The following SCARF1 variants were observed in gnomAD, a reference collection of about 807,000 sequenced individuals.
The protein encoded by SCARF1 is acetyl LDL receptor.
SCARF1 carries 49 observed loss-of-function variants against 76.3 expected under a neutral mutation model. That is an observed-to-expected ratio of 0.64 (90% CI 0.51 to 0.81). The LOEUF is 0.81. Ranked by LOEUF, SCARF1 falls within the 40% of genes least tolerant of loss-of-function variation. The pLI is 0.00. For missense variants in SCARF1, 1,098 were observed against 1,143.9 expected (o/e 0.96, Z 0.58); for synonymous variants, 495 against 474.6 (o/e 1.04, Z -0.56).
Position 1,640,409 on chromosome 17 carries a change from G to A in SCARF1, c.1010+39C>T. On this transcript the variant is annotated intron_variant, in intron 5 of 10. Coordinates refer to ENST00000263071, the MANE Select transcript of SCARF1 (RefSeq NM_003693.4). This position sits in a 1 kb window ranked among gnomAD's most constrained non-coding sequence, Gnocchi z 4.7. ...GAGCCGCTGAGCTGAGGGTCCTGGG[G>A]GAAGGTGTACCCCACCCTGAACAGA... 6.6e-7 allele frequency: 1 copy of A among 1,512,652 alleles called. No homozygotes were observed. The highest frequency in any genetic ancestry group is 9.0e-7 in the Non-Finnish European group (1 of 1,115,900). 93.7% of individuals were successfully genotyped at this position (1,512,652 alleles called of 1,614,324 possible). A position where few individuals can be genotyped will look rare whatever the true frequency, so the allele number is the denominator to read the frequency against.
chr17:1,641,143 G>A (rs188227505), intron 4 of SCARF1, among the ~76,000 whole-genome samples: 31 of 152,346 alleles, frequency 2.0e-4, no homozygotes, highest in African/African-American at 6.7e-4. Context: ...CCTGGGCCAT[G>A]GACTGGTACT....
At position 1,640,985 on chromosome 17, in the gene SCARF1, C is replaced by T. The variant is rs116979441; in HGVS notation, c.792-319G>A. ...CTCTGAGTCCCATTTGCGAGGTCTG[C>T]CAGGCCTTCCCTCCTGCTCTTTTCA... On this transcript the variant is annotated intron_variant, in intron 4 of 10. Transcript: ENST00000263071. This position sits in a 1 kb window ranked among gnomAD's most constrained non-coding sequence, Gnocchi z 4.7. Among the ~76,000 whole-genome samples, 190 of 152,330 alleles carry T rather than the reference C, an allele frequency of 1.2e-3. No individual in the cohort carries two copies. The highest frequency in any genetic ancestry group is 1.7e-3 in the Non-Finnish European group (117 of 68,040).
Position 1,640,782 on chromosome 17 carries a change from AC to A in SCARF1, c.792-117del, listed in dbSNP as rs1158988611. 1.1e-6 allele frequency: 1 copy of A among 945,282 alleles called. No individual in the cohort carries two copies. Among genetic ancestry groups the A allele is most frequent in the African/African-American group, 1.6e-5 (1 of 61,134 alleles). The allele number at this position is 945,282 out of a possible 1,614,324, so 58.6% of individuals were successfully genotyped here. On this transcript the variant is annotated intron_variant, in intron 4 of 10. Transcript: ENST00000263071. This position sits in a 1 kb window ranked among gnomAD's most constrained non-coding sequence, Gnocchi z 4.7. ...GGGCCCTGGAGAGTGTTCGGGTCCC[AC>A]CTGGGTCAGGCAGGTTTGAGCCTCA...
Position 1,644,715 on chromosome 17 carries a change from TGG to T in SCARF1, c.265+117_265+118del. 2.2e-6 allele frequency: 2 copies of T among 926,428 alleles called. No homozygotes were observed. The highest frequency in any genetic ancestry group is 3.3e-6 in the Non-Finnish European group (2 of 601,226). 57.4% of individuals were successfully genotyped at this position (926,428 alleles called of 1,614,324 possible). A position where few individuals can be genotyped will look rare whatever the true frequency, so the allele number is the denominator to read the frequency against. ...CTGGACCGCAATTCCTCAGTGAAGC[TGG>T]GGGGGATTCTGGCCCTGCTGTCCTG... is the stretch of plus-strand genomic sequence containing the variant. On this transcript the variant is annotated intron_variant, in intron 3 of 10. Transcript: ENST00000263071. This position sits in a 1 kb window ranked among gnomAD's most constrained non-coding sequence, Gnocchi z 4.8.
At position 1,645,053 on chromosome 17, in the gene SCARF1, G is replaced by C. The variant is rs1037157785; in HGVS notation, c.164-118C>G. On this transcript the variant is annotated intron_variant, in intron 2 of 10. Transcript: ENST00000263071. The surrounding 1 kb of genome is among the most constrained non-coding windows in gnomAD (Gnocchi z 6.3). ...GAGGTGCCCCTTCAGGCCTGGGGGTGCGTCACAGGAGAAACCCTGACTCCT... is the reference window on the plus strand; with the variant it reads ...GAGGTGCCCCTTCAGGCCTGGGGGTCCGTCACAGGAGAAACCCTGACTCCT... 6.6e-7 allele frequency: 1 copy of C among 1,520,590 alleles called. No homozygotes were observed. The highest frequency in any genetic ancestry group is 1.4e-5 in the African/African-American group (1 of 73,000). 94.2% of individuals were successfully genotyped at this position (1,520,590 alleles called of 1,614,324 possible).
intron 4 of SCARF1, 38 bp downstream of exon 4, chr17:1,643,404 G>GCCC (rs1910246530): frequency 6.7e-6 from 2 of 299,858 alleles, no homozygotes; most frequent in Non-Finnish European, 8.3e-6. Flanking sequence ...GTCCGCCCCC[G>GCCC]CCCCGCCAGC....
rs1487765863 is a variant in SCARF1 at position 1,640,082 on chromosome 17, G to T, written c.1011-42C>A. ...CTCGGGGAAGGGGAGACCAAGGCAG[G>T]CCTGGCCCCCACTGTGGGGCCCCAC... On this transcript the variant is annotated intron_variant, in intron 5 of 10. Transcript: ENST00000263071. This position sits in a 1 kb window ranked among gnomAD's most constrained non-coding sequence, Gnocchi z 4.7. The T allele has an allele frequency of 1.9e-6, 3 of 1,603,108 alleles. No individual in the cohort carries two copies. The highest frequency in any genetic ancestry group is 8.5e-7 in the Non-Finnish European group (1 of 1,175,054).
At position 1,643,527 on chromosome 17, in the gene SCARF1, C is replaced by T; in HGVS notation, c.706G>A (p.Glu236Lys). 7.1e-7 allele frequency: 1 copy of T among 1,401,116 alleles called. No individual in the cohort carries two copies. The highest frequency in any genetic ancestry group is 9.3e-7 in the Non-Finnish European group (1 of 1,080,476). 86.8% of individuals were successfully genotyped at this position (1,401,116 alleles called of 1,614,324 possible). Residue 236 changes from glutamate to lysine, a missense_variant, in exon 4 of 11, where the codon GAG becomes AAG. Transcript: ENST00000263071. ...CGGAAGCCGGGCGGGCAGGTGCACT[C>T]GCCGGAGGCGGCGCTGCAGCGGCCC... The part of the protein sequence containing the change: ...VRGRCSAASG[E>K]CTCPPGFRGA...
At position 1,638,803 on chromosome 17, in the gene SCARF1, C is replaced by T. The variant is rs375974900; in HGVS notation, c.1364+3G>A. 1.1e-4 allele frequency: 175 copies of T among 1,603,662 alleles called. No individual in the cohort carries two copies. The highest frequency in any genetic ancestry group is 1.4e-4 in the Non-Finnish European group (165 of 1,174,148). ...TGTGGGGAAGGGACGGGCTGGCGTT[C>T]ACCTGTCCTTGAGGTCTGATCGGGG... On this transcript the variant is annotated splice_donor_region_variant and intron_variant, in intron 8 of 10. Transcript: ENST00000263071.
rs774458975 is a variant in SCARF1 at position 1,644,929 on chromosome 17, C to G, written c.170G>C (p.Cys57Ser). ...QKDQECTIPI[C>S]EGPDACQKDE... is the part of the protein sequence containing the mutation. Reference sequence around the variant, plus strand: ...TTTCTGGCAGGCGTCCGGCCCCTCACAGATGGCTGAAAGACACCCCACCCA... The same window carrying G: ...TTTCTGGCAGGCGTCCGGCCCCTCAGAGATGGCTGAAAGACACCCCACCCA... The change falls in exon 3 of 11, where the codon TGT becomes TCT. Residue 57 changes from cysteine to serine, a missense_variant. Physicochemically the swap from Cys to Ser is moderately radical, Grantham distance 112. Transcript: ENST00000263071. The surrounding 1 kb of genome is among the most constrained non-coding windows in gnomAD (Gnocchi z 4.8). 13 of 1,612,860 alleles carry G rather than the reference C, an allele frequency of 8.1e-6. No individual in the cohort carries two copies. Among genetic ancestry groups the G allele is most frequent in the Non-Finnish European group, 1.0e-5 (12 of 1,179,796 alleles).
chr17:1,643,241 C>CGCCCACCGGTGTCCGCCG, intron 4 of SCARF1: 1 of 68,022 alleles, frequency 1.5e-5, no homozygotes, highest in South Asian at 5.7e-4. Context: ...CGCCCCCTCC[C>CGCCCACCGGTGTCCGCCG]CGCCCACCGG....
Position 1,640,385 on chromosome 17 carries a change from A to C in SCARF1, c.1010+63T>G. On this transcript the variant is annotated intron_variant, in intron 5 of 10. Coordinates refer to ENST00000263071, the MANE Select transcript of SCARF1 (RefSeq NM_003693.4). The surrounding 1 kb of genome is among the most constrained non-coding windows in gnomAD (Gnocchi z 4.7). ...CGGGGAGGGTGGTGCTCTCGGAGAGAGCCGCTGAGCTGAGGGTCCTGGGGG... is the reference window on the plus strand; with the variant it reads ...CGGGGAGGGTGGTGCTCTCGGAGAGCGCCGCTGAGCTGAGGGTCCTGGGGG... The C allele has an allele frequency of 7.1e-7, 1 of 1,414,956 alleles. No homozygotes were observed. Among genetic ancestry groups the C allele is most frequent in the Non-Finnish European group, 9.7e-7 (1 of 1,034,602 alleles). The allele number at this position is 1,414,956 out of a possible 1,614,324, so 87.7% of individuals were successfully genotyped here. A position where few individuals can be genotyped will look rare whatever the true frequency, so the allele number is the denominator to read the frequency against.
intron 10 of SCARF1, among the ~76,000 whole-genome samples, chr17:1,635,964 G>C (rs1909524743): frequency 6.6e-6 from 1 of 151,946 alleles, no homozygotes; most frequent in Non-Finnish European, 1.5e-5. Context: ...TTGAAATACT[G>C]TCACACTCTT....
At position 1,645,260 on chromosome 17, in the gene SCARF1, A is replaced by G; in HGVS notation, c.102-21T>C. The G allele has an allele frequency of 6.2e-7, 1 of 1,612,122 alleles. No individual in the cohort carries two copies. The highest frequency in any genetic ancestry group is 1.1e-5 in the South Asian group (1 of 91,004). On this transcript the variant is annotated intron_variant, in intron 1 of 10. Coordinates refer to ENST00000263071, the MANE Select transcript of SCARF1 (RefSeq NM_003693.4). The surrounding 1 kb of genome is among the most constrained non-coding windows in gnomAD (Gnocchi z 6.3). ...AGGGGCTGTGGGGCAAAAAGGGGTC[A>G]GCCGGACATGGTGGGGGGTGCAGCC...
chr17:1,643,924 G>T lies in SCARF1; in HGVS notation c.309C>A (p.Cys103Ter), dbSNP rs1042065800. Residue 103 changes from cysteine to a stop codon, truncating the protein, a stop_gained, in exon 4 of 11, where the codon TGC becomes TGA. Coordinates refer to ENST00000263071, the MANE Select transcript of SCARF1 (RefSeq NM_003693.4). LOFTEE classifies it high-confidence loss of function. ...QYWGPDCRES[C>*]PCHPHGQCEP... The stretch of plus-strand genomic sequence containing the variant: ...CGCACTGGCCGTGCGGGTGGCAGGG[G>T]CAGCTCTCACGGCAGTCGGGGCCCC... 6.7e-6 allele frequency: 9 copies of T among 1,352,902 alleles called. No individual in the cohort carries two copies. Among genetic ancestry groups the T allele is most frequent in the South Asian group, 1.8e-5 (1 of 55,536 alleles). The allele number at this position is 1,352,902 out of a possible 1,614,324, so 83.8% of individuals were successfully genotyped here.
chr17:1,635,070 G>C lies in SCARF1; in HGVS notation c.2181C>G (p.Ala727=). ...KGQAEAKVKR[A]IPKPPRQALN... ...GGGCCTGGCGCGGAGGCTTAGGGAT[G>C]GCCCTCTTGACCTTGGCTTCCGCCT... Residue 727 remains alanine (A), a synonymous_variant, in exon 11 of 11, where the codon GCC becomes GCG. Transcript: ENST00000263071. 6.2e-7 allele frequency: 1 copy of C among 1,613,984 alleles called. No homozygotes were observed. The highest frequency in any genetic ancestry group is 8.5e-7 in the Non-Finnish European group (1 of 1,179,970).
chr17:1,634,993 C>T lies in SCARF1; in HGVS notation c.2258G>A (p.Ser753Asn). 2 of 1,613,824 alleles carry T rather than the reference C, an allele frequency of 1.2e-6. No individual in the cohort carries two copies. The highest frequency in any genetic ancestry group is 1.3e-5 in the African/African-American group (1 of 75,058). ...CCCAGCTTTTGGGGCTGAGTTGGGG[C>T]TCTGGCCGACAGAGCCAGAGGCAAG... ...PGLASGSVGQ[S>N]PNSAPKAGLP... Residue 753 changes from serine (S) to asparagine (N), a missense_variant, in exon 11 of 11, where the codon AGC becomes AAC. Transcript: ENST00000263071.
intron 4 of SCARF1, chr17:1,643,231 C>G (rs1910204437): frequency 1.2e-5 from 1 of 82,240 alleles, no homozygotes; most frequent in Admixed American, 1.2e-4. Flanking sequence ...GTTTCCACCC[C>G]GCCCCCTCCC....
In SCARF1 at chr17:1,644,647, GT is replaced by G; in HGVS notation, c.265+186del. The G allele has an allele frequency of 1.6e-6, 1 of 616,588 alleles. No individual in the cohort carries two copies. Among genetic ancestry groups the G allele is most frequent in the Non-Finnish European group, 2.9e-6 (1 of 348,406 alleles). 38.2% of individuals were successfully genotyped at this position (616,588 alleles called of 1,614,324 possible). On this transcript the variant is annotated intron_variant, in intron 3 of 10. Transcript: ENST00000263071. This position sits in a 1 kb window ranked among gnomAD's most constrained non-coding sequence, Gnocchi z 4.8. ...CTTTGTGGATGTGGGTAAAAACCCG[GT>G]GACTCAGGTCATCTCCCGGGAGTGT...
Sources: gnomAD v4.1 joint callset for allele counts (sites outside exome capture counted in the v4.1 genomes callset) on GRCh38, gnomAD v4.1.1 for gene constraint, Gnocchi (gnomAD v3.1) non-coding constraint, MANE v1.5 for transcripts, NCBI Gene and HGNC (gene_info 2026-07-23, HGNC 2026-07-21) for gene names.